The following FAT4 variants were observed in gnomAD, a reference collection of about 807,000 sequenced individuals.
FAT4 encodes the protein protocadherin Fat 4.
Under a neutral mutation model 303.9 loss-of-function variants are expected in FAT4, and 84 were observed. The ratio of observed to expected loss-of-function variants is 0.28; its 90% CI spans 0.23 to 0.33. FAT4 has a LOEUF of 0.33. Ranked by LOEUF, FAT4 falls within the 10% of genes least tolerant of loss-of-function variation. FAT4 has a pLI of 1.00. For synonymous variants in FAT4, 2,307 were observed against 2,298.8 expected, an observed-to-expected ratio of 1.00 and a Z score of -0.10; for missense variants, 6,005 against 6,146.8, an observed-to-expected ratio of 0.98 and a Z score of 0.77.
At position 125,489,964 on chromosome 4, in the gene FAT4, A is replaced by G; in HGVS notation, c.13148A>G (p.Lys4383Arg). 3.1e-6 allele frequency: 5 copies of G among 1,610,306 alleles called. No homozygotes were observed. The highest frequency in any genetic ancestry group is 4.2e-6 in the Non-Finnish European group (5 of 1,179,520). The change falls in exon 18 of 18, where the codon AAG (lysine) becomes AGG (arginine). Residue 4383 changes from lysine to arginine, a missense_variant. Lys to Arg is a conservative substitution (Grantham distance 26). Transcript: ENST00000394329. ...GGAGAAAGTCTTCCTTTCAGCGGGA[A>G]GCATAGCTTGGCCTCCATCTCAAAA... ...YGGESLPFSG[K>R]HSLASISKTD...
chr4:125,445,377 A>G (rs1725792718), intron 8 of FAT4, among the ~76,000 whole-genome samples: 1 of 152,166 alleles, frequency 6.6e-6, no homozygotes, highest in African/African-American at 2.4e-5. Flanking sequence ...TGCTGTTGCT[A>G]TGTTTATATA....
rs140230847 is a variant in FAT4 at position 125,328,283 on chromosome 4, A to C, written c.5175+6697A>C. Among the ~76,000 whole-genome samples the C allele has an allele frequency of 5.6e-3, 854 of 152,336 alleles. 10 individuals are homozygous for C. The highest frequency in any genetic ancestry group is 0.02 in the African/African-American group (825 of 41,586). Reference sequence around the variant, plus strand: ...CTGTATAAAATACACACATGTAATTATATATTAACACGTATGCCCCCATTG... The same window carrying C: ...CTGTATAAAATACACACATGTAATTCTATATTAACACGTATGCCCCCATTG... On this transcript the variant is annotated intron_variant, in intron 2 of 17. Transcript: ENST00000394329.
intron 2 of FAT4, among the ~76,000 whole-genome samples, chr4:125,388,605 T>G (rs1345795740): frequency 6.6e-6 from 1 of 152,212 alleles, no homozygotes; most frequent in Non-Finnish European, 1.5e-5. Context: ...CTTGATGTTT[T>G]ATTCTGCATT....
intron 2 of FAT4, among the ~76,000 whole-genome samples, chr4:125,351,016 C>A (rs776754572): frequency 6.6e-6 from 1 of 151,616 alleles, no homozygotes; most frequent in South Asian, 2.1e-4. Context: ...GGTTTCTCAG[C>A]AGAAGATTTC....
At chr4:125,465,958 T>A (rs1280883005) in intron 11 of FAT4, among the ~76,000 whole-genome samples, 1 of 152,138 alleles carries the variant, frequency 6.6e-6, no homozygotes, top group Non-Finnish European at 1.5e-5. Flanking sequence ...AATAACCATG[T>A]CAGATGGCAT....
At chr4:125,326,959 A>T (rs1355229419) in intron 2 of FAT4, among the ~76,000 whole-genome samples, 8 of 152,210 alleles carry the variant, frequency 5.3e-5, no homozygotes, top group African/African-American at 1.9e-4. Flanking sequence ...CTGGGAGCAG[A>T]GGCTGCAGTG....
chr4:125,322,495 A>G (rs1578520743), intron 2 of FAT4, among the ~76,000 whole-genome samples: 1 of 152,158 alleles, frequency 6.6e-6, no homozygotes, highest in African/African-American at 2.4e-5. Flanking sequence ...GCTATACTCC[A>G]GAAAACTCTT....
At chr4:125,357,779 C>T (rs1214568960) in intron 2 of FAT4, among the ~76,000 whole-genome samples, 1 of 152,088 alleles carries the variant, frequency 6.6e-6, no homozygotes, top group Non-Finnish European at 1.5e-5. Flanking sequence ...CTCAGACCTT[C>T]CTCCTAGGGG....
At chr4:125,371,104 C>T (rs1383528684) in intron 2 of FAT4, among the ~76,000 whole-genome samples, 6 of 146,578 alleles carry the variant, frequency 4.1e-5, no homozygotes, top group Non-Finnish European at 8.9e-5. Flanking sequence ...GCTGAGATCG[C>T]GCCATTGCAC....
Position 125,449,293 on chromosome 4 carries a change from C to A in FAT4, c.8283C>A (p.Val2761=). Residue 2761 remains valine (V), a synonymous_variant, in exon 10 of 18, where the codon GTC becomes GTA. Coordinates refer to ENST00000394329, the MANE Select transcript of FAT4 (RefSeq NM_001291303.3). ...GSPSQSTSVK[V]MINILDENDN... ...CGTCTCAGAGTACTTCAGTAAAAGT[C>A]ATGATTAACATTTTAGATGAAAATG... 1.9e-6 allele frequency: 3 copies of A among 1,613,894 alleles called. No individual in the cohort carries two copies. Among genetic ancestry groups the A allele is most frequent in the Non-Finnish European group, 2.5e-6 (3 of 1,179,920 alleles).
chr4:125,490,232 C>T lies in FAT4; in HGVS notation c.13416C>T (p.Gly4472=), dbSNP rs141983394. Residue 4472 remains glycine, a synonymous_variant, in exon 18 of 18, where the codon GGC becomes GGT. Transcript: ENST00000394329. Reference sequence around the variant, plus strand: ...GTGAGATGGTGGTGGCCTGTCTTGGCGTCCTCTGTCCTCAGGGGAAGGTGT... The same window carrying T: ...GTGAGATGGTGGTGGCCTGTCTTGGTGTCCTCTGTCCTCAGGGGAAGGTGT... ...RTCEMVVACL[G]VLCPQGKVCK... is the part of the protein sequence containing the mutation. The T allele has an allele frequency of 4.0e-5, 64 of 1,614,102 alleles. No homozygotes were observed. The Middle Eastern group carries it at 6.6e-4, about 17-fold the overall frequency.
In FAT4 at chr4:125,449,425, C is replaced by T. The variant is rs771463667; in HGVS notation, c.8415C>T (p.Ile2805=). 1.2e-6 allele frequency: 2 copies of T among 1,613,688 alleles called. No homozygotes were observed. Among genetic ancestry groups the T allele is most frequent in the Non-Finnish European group, 1.7e-6 (2 of 1,179,794 alleles). The change falls in exon 10 of 18, where the codon ATC becomes ATT. Residue 2805 remains isoleucine, a synonymous_variant. Transcript: ENST00000394329. ...RVTTSDEDIG[I]NAISRYSIMD... ...CAACTTCTGATGAAGACATTGGGAT[C>T]AATGCAATTAGTAGATATTCTATAA...
In FAT4 at chr4:125,319,152, A is replaced by C. The variant is rs1440858515; in HGVS notation, c.2741A>C (p.Gln914Pro). The change falls in exon 2 of 18, where the codon CAG (glutamine) becomes CCG (proline). Residue 914 changes from glutamine to proline, a missense_variant. Physicochemically the swap from Gln to Pro is moderately conservative, Grantham distance 76 (BLOSUM62 -1). Transcript: ENST00000394329. Reference protein sequence around the residue: ...ENWQAGHSIFQAKAVDPDEGV... With the variant: ...ENWQAGHSIFPAKAVDPDEGV... ...TGGCAGGCAGGTCACAGCATTTTCC[A>C]GGCCAAAGCTGTGGACCCTGATGAA... is the stretch of plus-strand genomic sequence containing the variant. The C allele has an allele frequency of 3.7e-6, 6 of 1,614,012 alleles. No homozygotes were observed. In the South Asian group the frequency reaches 6.6e-5, roughly 18 times the overall value.
chr4:125,489,139 T>G (rs1323990966), intron 17 of FAT4, among the ~76,000 whole-genome samples: 1 of 152,206 alleles, frequency 6.6e-6, no homozygotes, highest in Non-Finnish European at 1.5e-5. Context: ...TATTATAGAA[T>G]GTTGTGAGAA....
chr4:125,344,344 ATAGT>A (rs1276914534), intron 2 of FAT4, among the ~76,000 whole-genome samples: 8 of 152,284 alleles, frequency 5.3e-5, no homozygotes, highest in African/African-American at 1.2e-4. Flanking sequence ...CAGCATGAAC[ATAGT>A]TAGTCTAGGA....
At chr4:125,456,794 A>G (rs1257549950) in intron 10 of FAT4, among the ~76,000 whole-genome samples, 1 of 152,182 alleles carries the variant, frequency 6.6e-6, no homozygotes, top group African/African-American at 2.4e-5. Flanking sequence ...CTAATAAACC[A>G]TAAGACAAAA....
chr4:125,461,950 G>A (rs999811279), intron 10 of FAT4, among the ~76,000 whole-genome samples: 3 of 151,930 alleles, frequency 2.0e-5, no homozygotes, highest in African/African-American at 7.2e-5. Flanking sequence ...CTCCAATGTA[G>A]TACACTGCTA....
intron 8 of FAT4, among the ~76,000 whole-genome samples, chr4:125,444,951 G>A (rs1725778334): frequency 6.6e-6 from 1 of 151,972 alleles, no homozygotes; most frequent in South Asian, 2.1e-4. Flanking sequence ...AAGAATTCAT[G>A]TATAAAACTT....
At chr4:125,477,033 G>A (rs967692665) in intron 13 of FAT4, 122 bp from the exon 14 acceptor site, 5 of 704,468 alleles carry the variant, frequency 7.1e-6, no homozygotes. Flanking sequence ...ATTTTCCATT[G>A]AAATTTATCA....
Sources: allele counts gnomAD v4.1 joint callset (sites outside exome capture counted in the v4.1 genomes callset), GRCh38; gene constraint gnomAD v4.1.1; transcripts MANE v1.5; gene names NCBI Gene and HGNC (gene_info 2026-07-23, HGNC 2026-07-21).